Variants in PHF20 observed in about 807,000 individuals in gnomAD.
PHF20 encodes the protein glioma-expressed antigen 2.
In PHF20, 23 loss-of-function variants were observed where a neutral mutation model predicts 113.5. That is an observed-to-expected ratio of 0.20 (90% CI 0.15 to 0.29). The LOEUF (loss-of-function observed/expected upper bound fraction) is 0.29, where lower values mean the gene tolerates loss of function less well. Among genes scored for constraint, PHF20 ranks in the 10% least tolerant of loss-of-function variants. The pLI, the probability that PHF20 is intolerant of heterozygous loss-of-function variation, is 1.00. For missense variants in PHF20, 943 were observed against 1,219.6 expected, an observed-to-expected ratio of 0.77 and a Z score of 3.38; for synonymous variants, 434 against 457.3, an observed-to-expected ratio of 0.95 and a Z score of 0.65.
intron 9 of PHF20, among the ~76,000 whole-genome samples, chr20:35,890,498 C>T (rs1488798092): frequency 6.6e-6 from 1 of 152,184 alleles, no homozygotes; most frequent in Non-Finnish European, 1.5e-5. Context: ...TAGAATTATG[C>T]ATAACTTTGA....
chr20:35,806,440 C>T lies in PHF20; in HGVS notation c.83+4835C>T, dbSNP rs560596166. Among the ~76,000 whole-genome samples, 5 of 152,200 alleles carry T rather than the reference C, an allele frequency of 3.3e-5. No homozygotes were observed. In the South Asian group the frequency reaches 6.2e-4, roughly 19 times the overall value. The stretch of plus-strand genomic sequence containing the variant: ...CTTCCCAAAGTGCTGGGATTACAAG[C>T]GTGAGTCACCATGCCTGGCACATAT... On this transcript the variant is annotated intron_variant, in intron 2 of 17. Transcript: ENST00000374012.
intron 1 of PHF20, among the ~76,000 whole-genome samples, chr20:35,797,596 A>C (rs73283047): frequency 6.7e-6 from 1 of 150,058 alleles, no homozygotes; most frequent in Admixed American, 6.6e-5. Context: ...TATCATCTAG[A>C]TAATTCCTGC....
At chr20:35,787,856 C>T (rs2041454198) in intron 1 of PHF20, among the ~76,000 whole-genome samples, 1 of 127,956 alleles carries the variant, frequency 7.8e-6, no homozygotes, top group South Asian at 2.8e-4. Context: ...TCTTTGCTCA[C>T]TGCAACCTCC....
Position 35,858,014 on chromosome 20 carries a change from C to T in PHF20, c.341-288C>T, listed in dbSNP as rs150223897. Among the ~76,000 whole-genome samples the T allele has an allele frequency of 6.8e-4, 103 of 152,270 alleles. 1 individual carries two copies. The highest frequency in any genetic ancestry group is 2.3e-3 in the African/African-American group (94 of 41,568). ...CTTAATTGTTTTACTGCTCTTTGTT[C>T]TTCACTTAAATTCAGTGAAATTTTT... On this transcript the variant is annotated intron_variant, in intron 4 of 17. Coordinates refer to ENST00000374012, the MANE Select transcript of PHF20 (RefSeq NM_016436.5).
chr20:35,817,514 G>A (rs2146894845), intron 2 of PHF20, among the ~76,000 whole-genome samples: 1 of 151,994 alleles, frequency 6.6e-6, no homozygotes, highest in Non-Finnish European at 1.5e-5. Flanking sequence ...TATTTTTGGG[G>A]CCAGGCATGG....
At chr20:35,792,819 C>T (rs6087735) in intron 1 of PHF20, among the ~76,000 whole-genome samples, 7,660 of 152,234 alleles carry the variant, frequency 0.05, 246 homozygotes, top group Middle Eastern at 0.071. Flanking sequence ...ATGCTAAGCA[C>T]TTGACATCCA....
intron 2 of PHF20, among the ~76,000 whole-genome samples, chr20:35,803,684 A>ATG (rs11472633): frequency 0.19 from 27,437 of 144,240 alleles, 2,588 homozygotes; most frequent in South Asian, 0.27. Flanking sequence ...GTATATATAT[A>ATG]TGTGTGTGTG....
At chr20:35,803,717 A>G (rs1333966243) in intron 2 of PHF20, among the ~76,000 whole-genome samples, 1 of 148,112 alleles carries the variant, frequency 6.8e-6, no homozygotes, top group Non-Finnish European at 1.5e-5. Flanking sequence ...TATATATAAT[A>G]TACTGCGTGT....
intron 10 of PHF20, among the ~76,000 whole-genome samples, chr20:35,907,076 A>G (rs35218026): frequency 0.019 from 2,822 of 152,314 alleles, 42 homozygotes; most frequent in South Asian, 0.034. Flanking sequence ...TGTGCAGATC[A>G]GAACATGCTC....
intron 17 of PHF20, among the ~76,000 whole-genome samples, chr20:35,942,517 T>C (rs2056002385): frequency 6.6e-6 from 1 of 152,120 alleles, no homozygotes; most frequent in African/African-American, 2.4e-5. Flanking sequence ...TCCTTAATCC[T>C]CTCTTCAGCC....
At chr20:35,867,343 A>T (rs578045884) in intron 6 of PHF20, among the ~76,000 whole-genome samples, 1 of 152,046 alleles carries the variant, frequency 6.6e-6, no homozygotes, top group African/African-American at 2.4e-5. Flanking sequence ...CATTGTAACC[A>T]CCGCCTCCTG....
At chr20:35,791,152 C>CCTCTTTTCATTCTT (rs2041538060) in intron 1 of PHF20, among the ~76,000 whole-genome samples, 1 of 151,908 alleles carries the variant, frequency 6.6e-6, no homozygotes, top group Admixed American at 6.6e-5. Flanking sequence ...CCACCGCGTC[C>CCTCTTTTCATTCTT]GGCCTGAACT....
chr20:35,899,205 T>C (rs960744055), intron 9 of PHF20, among the ~76,000 whole-genome samples, 165 bp from the exon 10 acceptor site: 1 of 152,168 alleles, frequency 6.6e-6, no homozygotes, highest in African/African-American at 2.4e-5. Flanking sequence ...CCTGAAGTTG[T>C]TTTCATTCTC....
intron 2 of PHF20, among the ~76,000 whole-genome samples, chr20:35,833,629 G>T (rs2042390206): frequency 6.6e-6 from 1 of 152,120 alleles, no homozygotes; most frequent in African/African-American, 2.4e-5. Context: ...TACCCTGGGG[G>T]AGATTCAGAC....
chr20:35,807,469 T>A (rs768002729), intron 2 of PHF20, among the ~76,000 whole-genome samples: 5 of 150,156 alleles, frequency 3.3e-5, no homozygotes, highest in Non-Finnish European at 7.4e-5. Context: ...TCTCCCTGCC[T>A]CAGACTCCCG....
chr20:35,781,879 T>C (rs1600721719), intron 1 of PHF20, among the ~76,000 whole-genome samples: 1 of 151,648 alleles, frequency 6.6e-6, no homozygotes, highest in Admixed American at 6.6e-5. Context: ...CGGGGGCGGG[T>C]GGAGGTTGCA....
chr20:35,793,994 T>TCAAAACAAAAAAAAAA (rs750701912), intron 1 of PHF20, among the ~76,000 whole-genome samples: 2 of 52,156 alleles, frequency 3.8e-5, no homozygotes, highest in Non-Finnish European at 6.3e-5. Flanking sequence ...GGACTCTGTC[T>TCAAAACAAAAAAAAAA]CAAAAAAAAA....
intron 1 of PHF20, among the ~76,000 whole-genome samples, chr20:35,791,464 TCTATCTATCTATCTA>T (rs2041548718): frequency 7.5e-6 from 1 of 132,572 alleles, no homozygotes; most frequent in Admixed American, 7.4e-5. Context: ...TATCTATCTA[TCTATCTATCTATCTA>T]TCTATCTATC....
At chr20:35,945,944 T>C (rs1225079892) in intron 17 of PHF20, among the ~76,000 whole-genome samples, 1 of 152,080 alleles carries the variant, frequency 6.6e-6, no homozygotes, top group African/African-American at 2.4e-5. Flanking sequence ...CCAAGGCAGG[T>C]GGATCACCTG....
Sources: allele counts gnomAD v4.1 joint callset (sites outside exome capture counted in the v4.1 genomes callset), GRCh38; gene constraint gnomAD v4.1.1; transcripts MANE v1.5; gene names NCBI Gene and HGNC (gene_info 2026-07-23, HGNC 2026-07-21).